TTC7A: variants seen among roughly 807,000 people sequenced by gnomAD.
TTC7A encodes the protein tetratricopeptide repeat protein 7A.
Under a neutral mutation model 103.7 loss-of-function variants are expected in TTC7A, and 110 were observed. The ratio of observed to expected loss-of-function variants is 1.06; its 90% CI spans 0.91 to 1.24. TTC7A has a LOEUF of 1.24. Ranked by LOEUF, TTC7A falls within the 50% of genes most tolerant of loss-of-function variation. The pLI is 0.00. For synonymous variants in TTC7A, 521 were observed against 467.9 expected (o/e 1.11, Z -1.47); for missense variants, 1,340 against 1,116.3 (o/e 1.20, Z -2.86).
At chr2:47,044,526 G>A (rs149569613) in intron 15 of TTC7A, among the ~76,000 whole-genome samples, 284 of 152,274 alleles carry the variant, frequency 1.9e-3, no homozygotes, top group Non-Finnish European at 3.4e-3. Flanking sequence ...TCCATGCTAG[G>A]GGGATCCCGG....
At chr2:47,033,513 G>C (rs1360929256) in intron 15 of TTC7A, among the ~76,000 whole-genome samples, 1 of 152,210 alleles carries the variant, frequency 6.6e-6, no homozygotes, top group Admixed American at 6.5e-5. Flanking sequence ...GGAAACTGGT[G>C]GGGGAATGGA....
intron 8 of TTC7A, among the ~76,000 whole-genome samples, chr2:46,997,811 C>A (rs940216936): frequency 1.3e-5 from 2 of 152,130 alleles, no homozygotes; most frequent in African/African-American, 4.8e-5. Flanking sequence ...AAGCTGAGCT[C>A]TGTCTTCCCA....
chr2:47,029,112 C>T lies in TTC7A; in HGVS notation c.1642-112C>T, dbSNP rs918706708. On this transcript the variant is annotated intron_variant, in intron 14 of 19. Coordinates refer to ENST00000319190, the MANE Select transcript of TTC7A (RefSeq NM_020458.4). ...CACAGCAGCCTCCCTGCCCCCAGTG[C>T]CTGGGGCTCCCTTGAGTTGAGTGTG... The T allele has an allele frequency of 4.6e-6, 6 of 1,298,642 alleles. No individual in the cohort carries two copies. In the South Asian group the frequency reaches 5.3e-5, roughly 12 times the overall value. 80.4% of individuals were successfully genotyped at this position (1,298,642 alleles called of 1,614,324 possible). A position where few individuals can be genotyped will look rare whatever the true frequency, so the allele number is the denominator to read the frequency against.
intron 3 of TTC7A, among the ~76,000 whole-genome samples, chr2:46,962,715 C>T (rs534239934): frequency 1.3e-5 from 2 of 152,306 alleles, no homozygotes; most frequent in Admixed American, 1.3e-4. Flanking sequence ...TAGTTCTGTC[C>T]CATGGGAAGC....
At chr2:47,070,655 G>A (rs1205567325) in intron 19 of TTC7A, among the ~76,000 whole-genome samples, 1 of 152,138 alleles carries the variant, frequency 6.6e-6, no homozygotes, top group East Asian at 1.9e-4. Context: ...GGAGAGCAGA[G>A]TCTCGAGCAC....
intron 18 of TTC7A, among the ~76,000 whole-genome samples, chr2:47,060,233 G>C (rs1683651963): frequency 6.6e-6 from 1 of 152,100 alleles, no homozygotes; most frequent in Non-Finnish European, 1.5e-5. Flanking sequence ...AGCCAGGCGT[G>C]GTGGTGCGTG....
At chr2:47,023,945 C>G (rs936117661) in intron 13 of TTC7A, among the ~76,000 whole-genome samples, 1 of 151,778 alleles carries the variant, frequency 6.6e-6, no homozygotes, top group Non-Finnish European at 1.5e-5. Context: ...CTTCTCTGCC[C>G]TGGTGCCTGA....
intron 3 of TTC7A, among the ~76,000 whole-genome samples, chr2:46,964,354 G>A (rs1193818799): frequency 6.6e-6 from 1 of 152,212 alleles, no homozygotes; most frequent in Admixed American, 6.5e-5. Context: ...AAGAGGAGGT[G>A]TGTGTGGGAT....
chr2:46,967,155 G>A (rs759270733), intron 3 of TTC7A, among the ~76,000 whole-genome samples: 9 of 152,076 alleles, frequency 5.9e-5, no homozygotes, highest in Non-Finnish European at 8.8e-5. Context: ...GGAGGTTGCC[G>A]TGAGCTGAGA....
chr2:46,926,288 T>C (rs2103821662), intron 2 of TTC7A, among the ~76,000 whole-genome samples: 1 of 152,352 alleles, frequency 6.6e-6, no homozygotes, highest in Non-Finnish European at 1.5e-5. Flanking sequence ...ACTGAGTATA[T>C]GCCATTGCCC....
At chr2:46,943,953 T>G (rs1218604733) in intron 1 of TTC7A, among the ~76,000 whole-genome samples, 1 of 152,194 alleles carries the variant, frequency 6.6e-6, no homozygotes, top group Non-Finnish European at 1.5e-5. Flanking sequence ...CTGTGGGGAC[T>G]CTTTCTGATC....
intron 5 of TTC7A, among the ~76,000 whole-genome samples, chr2:46,980,693 G>A (rs1181910708): frequency 6.6e-6 from 1 of 152,184 alleles, no homozygotes; most frequent in Non-Finnish European, 1.5e-5. Context: ...AGTCTGGGAG[G>A]GGCACAGAGG....
intron 8 of TTC7A, among the ~76,000 whole-genome samples, chr2:47,003,697 A>G (rs1305089106): frequency 1.3e-5 from 2 of 152,086 alleles, no homozygotes; most frequent in Non-Finnish European, 2.9e-5. Context: ...TCTTGCTTCC[A>G]CCAGAATTCC....
chr2:46,951,549 C>G, intron 2 of TTC7A: 1 of 454,038 alleles, frequency 2.2e-6, no homozygotes, highest in Non-Finnish European at 4.4e-6. Context: ...TGCTTCCTTC[C>G]CCTCTGTCTC....
chr2:46,952,508 T>C (rs1299507904), intron 2 of TTC7A, among the ~76,000 whole-genome samples: 1 of 152,184 alleles, frequency 6.6e-6, no homozygotes, highest in Non-Finnish European at 1.5e-5. Context: ...TCTTAGCACT[T>C]TGGGAGGCTA....
At chr2:47,056,996 G>C (rs75261166) in intron 18 of TTC7A, among the ~76,000 whole-genome samples, 5,765 of 152,314 alleles carry the variant, frequency 0.038, 188 homozygotes, top group African/African-American at 0.078. Flanking sequence ...GGGGATGCTG[G>C]GATGGATGTG....
At chr2:47,020,178 A>G (rs374988323) in intron 11 of TTC7A, among the ~76,000 whole-genome samples, 45 of 152,218 alleles carry the variant, frequency 3.0e-4, no homozygotes, top group African/African-American at 1.0e-3. Context: ...CGGGGGTCCC[A>G]CCTGCCATTT....
intron 1 of TTC7A, among the ~76,000 whole-genome samples, chr2:46,948,580 TGGG>T (rs1243961668): frequency 6.6e-5 from 10 of 152,158 alleles, no homozygotes; most frequent in Admixed American, 6.5e-4. Context: ...CCGTTCTCTG[TGGG>T]GAATCTCCCT....
In TTC7A at chr2:46,987,672, G is replaced by C. The variant is rs6727529; in HGVS notation, c.765-5778G>C. Reference sequence around the variant, plus strand: ...GTTTTGTGCTTGTTCTTTTAATTTTGTTTTAATTAGTAAAGCAACATGTGC... The same window carrying C: ...GTTTTGTGCTTGTTCTTTTAATTTTCTTTTAATTAGTAAAGCAACATGTGC... On this transcript the variant is annotated intron_variant, in intron 5 of 19. Transcript: ENST00000319190. Among the ~76,000 whole-genome samples the C allele has an allele frequency of 3.5e-3, 526 of 152,196 alleles. 19 individuals are homozygous for C. In the East Asian group the frequency reaches 0.085, roughly 24 times the overall value.
Sources: allele counts gnomAD v4.1 joint callset (sites outside exome capture counted in the v4.1 genomes callset), GRCh38; gene constraint gnomAD v4.1.1; transcripts MANE v1.5; gene names NCBI Gene and HGNC (gene_info 2026-07-23, HGNC 2026-07-21).